Variants in TTLL5 observed in about 807,000 individuals in gnomAD.
The protein encoded by TTLL5 is tubulin tyrosine ligase like 5, also known as tubulin polyglutamylase TTLL5.
A neutral mutation model predicts 168.4 loss-of-function variants in TTLL5; 132 were observed. The observed-to-expected ratio is 0.78, with a 90% CI of 0.68 to 0.91. The LOEUF is 0.91. Ranked by LOEUF, TTLL5 falls within the 40% of genes least tolerant of loss-of-function variation. The pLI is 0.00. For missense variants in TTLL5, 1,545 were observed against 1,581.5 expected (o/e 0.98, Z 0.39); for synonymous variants, 546 against 558.6 (o/e 0.98, Z 0.32).
At chr14:75,884,985 A>T (rs1159121108) in intron 30 of TTLL5, among the ~76,000 whole-genome samples, 2 of 150,944 alleles carry the variant, frequency 1.3e-5, no homozygotes, top group African/African-American at 4.9e-5. Context: ...CCTGGCCAAC[A>T]TGGTGAAACC....
intron 31 of TTLL5, among the ~76,000 whole-genome samples, chr14:75,914,306 T>G (rs1006139640): frequency 2.0e-5 from 3 of 151,822 alleles, no homozygotes; most frequent in Non-Finnish European, 4.4e-5. Context: ...ATCTGTATGT[T>G]TCTTCAATCC....
intron 27 of TTLL5, among the ~76,000 whole-genome samples, chr14:75,806,681 C>G (rs1168657050): frequency 2.0e-5 from 3 of 152,182 alleles, no homozygotes; most frequent in African/African-American, 7.2e-5. Flanking sequence ...GTCAAGATAG[C>G]TCTCTCTTTT....
At chr14:75,782,174 CTTA>C (rs957667843) in intron 24 of TTLL5, among the ~76,000 whole-genome samples, 13 of 151,618 alleles carry the variant, frequency 8.6e-5, no homozygotes, top group Admixed American at 5.3e-4. Flanking sequence ...TCTGACTGCC[CTTA>C]TTATTATTAT....
chr14:75,759,043 A>C (rs1890462030), intron 18 of TTLL5, among the ~76,000 whole-genome samples: 1 of 152,210 alleles, frequency 6.6e-6, no homozygotes, highest in Admixed American at 6.5e-5. Flanking sequence ...CAAACAGTAA[A>C]GAATGTTAAC....
intron 30 of TTLL5, chr14:75,886,784 A>G: frequency 1.3e-6 from 2 of 1,594,586 alleles, no homozygotes; most frequent in Non-Finnish European, 8.5e-7. Context: ...GCCTACAAAC[A>G]ACTACATGCA....
chr14:75,849,605 G>A (rs1466460161), intron 28 of TTLL5, among the ~76,000 whole-genome samples: 1 of 152,226 alleles, frequency 6.6e-6, no homozygotes, highest in East Asian at 1.9e-4. Flanking sequence ...GAAGTAGAAG[G>A]GAATCATTTA....
chr14:75,914,033 A>AAAAAAAAAAAATATATATATATATAT, intron 31 of TTLL5, among the ~76,000 whole-genome samples: 9 of 71,096 alleles, frequency 1.3e-4, no homozygotes, highest in African/African-American at 7.8e-4. Flanking sequence ...AAAAAAAAAA[A>AAAAAAAAAAAATATATATATATATAT]ATATATATAT....
chr14:75,668,254 C>A lies in TTLL5; in HGVS notation c.75-1162C>A, dbSNP rs1448948255. ...TTGAATTCAAGGTATCCAATATATA[C>A]AACTTTGCTGAAATGCGATTAGGGA... On this transcript the variant is annotated intron_variant, in intron 2 of 31. Transcript: ENST00000298832. Among the ~76,000 whole-genome samples the A allele has an allele frequency of 2.0e-5, 3 of 152,174 alleles. No individual in the cohort carries two copies. The South Asian group carries it at 6.2e-4, about 31-fold the overall frequency.
chr14:75,757,988 T>C, intron 18 of TTLL5: 1 of 1,050,488 alleles, frequency 9.5e-7, no homozygotes, highest in Non-Finnish European at 1.2e-6. Context: ...AATAGTAACA[T>C]AAAAATTTTT....
intron 15 of TTLL5, among the ~76,000 whole-genome samples, chr14:75,743,728 C>T (rs1412444554): frequency 2.6e-5 from 4 of 151,720 alleles, no homozygotes; most frequent in African/African-American, 4.8e-5. Flanking sequence ...ACTACAGGTG[C>T]CCGCCACCAC....
In TTLL5 at chr14:75,782,559, C is replaced by T; in HGVS notation, c.2588C>T (p.Ser863Phe). 11 of 1,613,726 alleles carry T rather than the reference C, an allele frequency of 6.8e-6. No individual in the cohort carries two copies. The highest frequency in any genetic ancestry group is 9.3e-6 in the Non-Finnish European group (11 of 1,179,824). ...PKQQQTTEIH[S>F]DKLSRFTTSA... ...CAGCAACAGACGACAGAAATTCATT[C>T]TGATAAATTATCTCGTGAGTGATTT... The change falls in exon 25 of 32, where the codon TCT becomes TTT. Residue 863 changes from serine (S) to phenylalanine (F), a missense_variant. Ser to Phe is a radical substitution (Grantham distance 155). Coordinates refer to ENST00000298832, the MANE Select transcript of TTLL5 (RefSeq NM_015072.5).
chr14:75,931,031 C>T (rs1191956881), intron 31 of TTLL5, among the ~76,000 whole-genome samples: 1 of 152,194 alleles, frequency 6.6e-6, no homozygotes, highest in East Asian at 1.9e-4. Context: ...TGTCCTTGAT[C>T]TGCTCCCGTA....
intron 28 of TTLL5, among the ~76,000 whole-genome samples, chr14:75,856,182 G>A (rs1215485753): frequency 6.6e-6 from 1 of 152,188 alleles, no homozygotes; most frequent in Non-Finnish European, 1.5e-5. Context: ...GGCCAACATG[G>A]CAAAATCCCA....
At chr14:75,890,372 C>A (rs1252792167) in intron 30 of TTLL5, among the ~76,000 whole-genome samples, 1 of 152,062 alleles carries the variant, frequency 6.6e-6, no homozygotes, top group Non-Finnish European at 1.5e-5. Context: ...TAGTTTGGGT[C>A]AGGGGAACCC....
At chr14:75,909,930 C>G (rs1409742528) in intron 31 of TTLL5, among the ~76,000 whole-genome samples, 2 of 152,168 alleles carry the variant, frequency 1.3e-5, no homozygotes. Flanking sequence ...TTTCTACATT[C>G]AGAAACAAAA....
At chr14:75,742,314 A>G (rs1461217851) in intron 15 of TTLL5, among the ~76,000 whole-genome samples, 3 of 152,128 alleles carry the variant, frequency 2.0e-5, no homozygotes, top group African/African-American at 7.2e-5. Context: ...GTAATTTGAG[A>G]TTTGAGGCCC....
chr14:75,715,264 C>CTTT (rs1201985101), intron 9 of TTLL5, among the ~76,000 whole-genome samples: 47 of 130,926 alleles, frequency 3.6e-4, no homozygotes, highest in African/African-American at 4.9e-4. Flanking sequence ...CACCATCTTC[C>CTTT]TTTTTTTTTT....
intron 31 of TTLL5, chr14:75,906,787 T>G: frequency 1.1e-6 from 1 of 939,998 alleles, no homozygotes; most frequent in Middle Eastern, 5.5e-4. Flanking sequence ...AAAATGACAG[T>G]GAAGTTGGGG....
intron 7 of TTLL5, among the ~76,000 whole-genome samples, chr14:75,703,428 A>G (rs1886422147): frequency 1.3e-5 from 2 of 152,224 alleles, no homozygotes; most frequent in African/African-American, 2.4e-5. Flanking sequence ...AGATGGAAAC[A>G]TCTCGGTTGG....
Sources: gnomAD v4.1 joint callset for allele counts (sites outside exome capture counted in the v4.1 genomes callset) on GRCh38, gnomAD v4.1.1 for gene constraint, MANE v1.5 for transcripts, NCBI Gene and HGNC (gene_info 2026-07-23, HGNC 2026-07-21) for gene names.